The following RARB variants were observed in gnomAD, a reference collection of about 807,000 sequenced individuals.
RARB encodes retinoic acid receptor beta.
Under a neutral mutation model 51.9 loss-of-function variants are expected in RARB, and 17 were observed. That is an observed-to-expected ratio of 0.33 (90% confidence interval 0.22 to 0.49). The LOEUF (loss-of-function observed/expected upper bound fraction) is 0.49. Among genes scored for constraint, RARB ranks in the 20% least tolerant of loss-of-function variants. RARB has a pLI of 0.99. For synonymous variants in RARB, 215 were observed against 195.4 expected, an observed-to-expected ratio of 1.10 and a Z score of -0.84; for missense variants, 369 against 550.8, an observed-to-expected ratio of 0.67 and a Z score of 3.30.
chr3:25,014,142 G>T (rs1403127085), intron 2 of RARB, among the ~76,000 whole-genome samples: 1 of 152,044 alleles, frequency 6.6e-6, no homozygotes, highest in African/African-American at 2.4e-5. Context: ...AGGCCATTTT[G>T]TGGCATATGT....
At chr3:25,202,077 G>A (rs978297786) in intron 5 of RARB, among the ~76,000 whole-genome samples, 3 of 152,066 alleles carry the variant, frequency 2.0e-5, no homozygotes, top group African/African-American at 7.2e-5. Context: ...ACTTTTTTTG[G>A]TTGGTAAGCT....
intron 2 of RARB, among the ~76,000 whole-genome samples, chr3:24,991,063 T>A (rs1336817506): frequency 1.3e-5 from 2 of 152,226 alleles, no homozygotes; most frequent in Non-Finnish European, 2.9e-5. Context: ...GTTGGTCTTG[T>A]AAACAGCAGC....
At chr3:24,880,100 C>T (rs1041738435) in intron 2 of RARB, among the ~76,000 whole-genome samples, 1 of 151,870 alleles carries the variant, frequency 6.6e-6, no homozygotes, top group Non-Finnish European at 1.5e-5. Flanking sequence ...CTTGCCAGTT[C>T]ATCAATGCTT....
chr3:25,417,405 C>T (rs151312019), intron 5 of RARB, among the ~76,000 whole-genome samples: 2 of 152,148 alleles, frequency 1.3e-5, no homozygotes, highest in Non-Finnish European at 2.9e-5. Context: ...TGAATTCCCA[C>T]ACATGGCGGG....
intron 5 of RARB, among the ~76,000 whole-genome samples, chr3:25,355,971 A>G (rs1705721746): frequency 6.6e-6 from 1 of 152,190 alleles, no homozygotes; most frequent in South Asian, 2.1e-4. Flanking sequence ...CTTTTTTATT[A>G]CAAAGAAAAT....
At chr3:25,544,677 C>A (rs542394909) in intron 3 of RARB, among the ~76,000 whole-genome samples, 1 of 151,944 alleles carries the variant, frequency 6.6e-6, no homozygotes, top group Non-Finnish European at 1.5e-5. Context: ...ATTCCCCCGC[C>A]CCCTCCTCAA....
At chr3:25,106,987 G>T (rs1182012837) in intron 3 of RARB, among the ~76,000 whole-genome samples, 1 of 151,616 alleles carries the variant, frequency 6.6e-6, no homozygotes, top group African/African-American at 2.4e-5. Context: ...TGCAACCTCC[G>T]CCTCCCGGGT....
chr3:25,151,763 T>A (rs534293692), intron 4 of RARB, among the ~76,000 whole-genome samples: 1 of 152,344 alleles, frequency 6.6e-6, no homozygotes, highest in East Asian at 1.9e-4. Context: ...CCTGAACACG[T>A]CTCAAAGGAA....
intron 5 of RARB, among the ~76,000 whole-genome samples, chr3:25,387,209 C>T (rs918802171): frequency 3.3e-5 from 5 of 152,114 alleles, no homozygotes; most frequent in Non-Finnish European, 7.4e-5. Flanking sequence ...GGCTTAATTC[C>T]TTTTGGAGCC....
At chr3:25,253,565 A>T (rs13321659) in intron 5 of RARB, among the ~76,000 whole-genome samples, 1,766 of 152,266 alleles carry the variant, frequency 0.012, 35 homozygotes, top group African/African-American at 0.04. Flanking sequence ...TATAGATAAT[A>T]CTGAATTTTC....
intron 5 of RARB, among the ~76,000 whole-genome samples, chr3:25,254,340 G>A (rs976925593): frequency 6.6e-6 from 1 of 152,104 alleles, no homozygotes. Flanking sequence ...TACATAGGTA[G>A]CTTTTCCTCT....
intron 2 of RARB, among the ~76,000 whole-genome samples, chr3:24,903,974 T>C (rs1204119002): frequency 6.6e-6 from 1 of 152,192 alleles, no homozygotes; most frequent in African/African-American, 2.4e-5. Flanking sequence ...CCAGGTCATA[T>C]ATGAAATCTG....
chr3:25,544,919 C>A (rs1175844228), intron 3 of RARB, among the ~76,000 whole-genome samples: 1 of 152,076 alleles, frequency 6.6e-6, no homozygotes, highest in Non-Finnish European at 1.5e-5. Flanking sequence ...TGTAAGAAAT[C>A]AGGGATTTTA....
At chr3:25,103,913 G>A (rs915442959) in intron 3 of RARB, among the ~76,000 whole-genome samples, 1 of 152,126 alleles carries the variant, frequency 6.6e-6, no homozygotes, top group Non-Finnish European at 1.5e-5. Context: ...GCTTGGAAGA[G>A]ATTGTGTGAT....
chr3:25,527,572 G>A (rs1003122570), intron 3 of RARB, among the ~76,000 whole-genome samples: 6 of 152,104 alleles, frequency 3.9e-5, no homozygotes, highest in Non-Finnish European at 7.4e-5. Context: ...GCTGACCTTG[G>A]TAGTGTGTTA....
At chr3:25,389,339 G>T (rs1706883130) in intron 5 of RARB, among the ~76,000 whole-genome samples, 1 of 152,084 alleles carries the variant, frequency 6.6e-6, no homozygotes, top group African/African-American at 2.4e-5. Flanking sequence ...TACCCAACAA[G>T]GTCCATTTTG....
In RARB at chr3:25,341,398, G is replaced by A. The variant is rs894331711; in HGVS notation, c.179-119795G>A. Among the ~76,000 whole-genome samples, 21 of 152,140 alleles carry A rather than the reference G, an allele frequency of 1.4e-4. 1 individual carries two copies. The highest frequency in any genetic ancestry group is 2.9e-4 in the Non-Finnish European group (20 of 68,028). ...AAATACTGAGTAGAAAAAGGTTGTGGAACTCATGGTTTATTCAGGGTGAGA... is the reference window on the plus strand; with the variant it reads ...AAATACTGAGTAGAAAAAGGTTGTGAAACTCATGGTTTATTCAGGGTGAGA... On this transcript the variant is annotated intron_variant, in intron 5 of 11. Transcript: ENST00000383772.
chr3:24,876,013 A>T (rs1703036651), intron 2 of RARB, among the ~76,000 whole-genome samples: 2 of 151,952 alleles, frequency 1.3e-5, no homozygotes. Flanking sequence ...CTCCGTTTGG[A>T]TCTAATAATT....
chr3:25,132,905 G>GA (rs1699975780), intron 4 of RARB, among the ~76,000 whole-genome samples: 1 of 148,552 alleles, frequency 6.7e-6, no homozygotes, highest in Non-Finnish European at 1.5e-5. Flanking sequence ...AAAGCCTTTG[G>GA]AAAAAAGATC....
Sources: gnomAD v4.1 joint callset for allele counts (sites outside exome capture counted in the v4.1 genomes callset) on GRCh38, gnomAD v4.1.1 for gene constraint, MANE v1.5 for transcripts, NCBI Gene and HGNC (gene_info 2026-07-23, HGNC 2026-07-21) for gene names.